Variants in EXTL3 observed in about 807,000 individuals in gnomAD.
EXTL3 encodes the protein exostosin like glycosyltransferase 3, also known as exostosin-like 3.
Under a neutral mutation model 69.3 loss-of-function variants are expected in EXTL3, and 27 were observed. That is an observed-to-expected ratio of 0.39 (90% CI 0.29 to 0.54). The LOEUF is 0.54. Ranked by LOEUF, EXTL3 falls within the 20% of genes least tolerant of loss-of-function variation. The probability of loss-of-function intolerance (pLI) is 0.69; values close to 1 mark genes in which losing one functional copy is unlikely to be tolerated. For synonymous variants in EXTL3, 511 were observed against 499.4 expected (o/e 1.02, Z -0.31); for missense variants, 1,003 against 1,231.8 (o/e 0.81, Z 2.78).
At chr8:28,648,947 G>A (rs1806876551) in intron 1 of EXTL3, among the ~76,000 whole-genome samples, 1 of 152,062 alleles carries the variant, frequency 6.6e-6, no homozygotes, top group Non-Finnish European at 1.5e-5. Flanking sequence ...AGGCTGGAGT[G>A]CAGTGGTGCA....
intron 1 of EXTL3, among the ~76,000 whole-genome samples, chr8:28,632,535 C>T (rs1806584373): frequency 6.6e-6 from 1 of 150,506 alleles, no homozygotes; most frequent in South Asian, 2.1e-4. Context: ...AGTGTTTTAA[C>T]TGCATTATCT....
At chr8:28,624,256 T>G (rs1453856013) in intron 1 of EXTL3, among the ~76,000 whole-genome samples, 8 of 152,226 alleles carry the variant, frequency 5.3e-5, no homozygotes, top group African/African-American at 1.9e-4. Flanking sequence ...ACATCTCACG[T>G]TAATATTCAT....
intron 1 of EXTL3, among the ~76,000 whole-genome samples, chr8:28,682,195 C>T (rs560796672): frequency 1.3e-5 from 2 of 152,190 alleles, no homozygotes; most frequent in African/African-American, 4.8e-5. Context: ...TAATGATTAG[C>T]GAAGTTGAGC....
chr8:28,630,762 A>G (rs771913708), intron 1 of EXTL3, among the ~76,000 whole-genome samples: 2 of 152,242 alleles, frequency 1.3e-5, no homozygotes, highest in African/African-American at 2.4e-5. Flanking sequence ...TGAGAGGCTT[A>G]TAACTGGGGC....
intron 1 of EXTL3, among the ~76,000 whole-genome samples, chr8:28,675,936 C>T (rs1261188584): frequency 6.8e-6 from 1 of 148,144 alleles, no homozygotes; most frequent in Non-Finnish European, 1.5e-5. Flanking sequence ...GCTGGAGAAT[C>T]GCTTGAACCT....
intron 2 of EXTL3, among the ~76,000 whole-genome samples, chr8:28,608,506 T>C (rs1157768488): frequency 6.6e-6 from 1 of 152,116 alleles, no homozygotes; most frequent in African/African-American, 2.4e-5. Context: ...ACAAGATACA[T>C]TGATAAGATC....
At chr8:28,616,495 CGGGCGCCTGCAGT>C (rs1034308921) in intron 2 of EXTL3, among the ~76,000 whole-genome samples, 1 of 152,070 alleles carries the variant, frequency 6.6e-6, no homozygotes, top group Non-Finnish European at 1.5e-5. Context: ...GGCGTGGTGG[CGGGCGCCTGCAGT>C]CCCAGCTACT....
At chr8:28,687,884 G>A (rs577319535) in intron 1 of EXTL3, among the ~76,000 whole-genome samples, 59 of 152,190 alleles carry the variant, frequency 3.9e-4, no homozygotes, top group African/African-American at 1.3e-3. Flanking sequence ...AGATTAAGTG[G>A]GATAACGAAT....
rs758450574 is a variant in EXTL3 at position 28,737,520 on chromosome 8, G to T, written c.2278G>T (p.Val760Leu). ...RHDEIMFGFR[V>L]WREARDRIVG... ...GTGTATGCACTTGTGTTTTTCAAGGGTGTGGAGAGAAGCTCGGGACCGCAT... is the reference window on the plus strand; with the variant it reads ...GTGTATGCACTTGTGTTTTTCAAGGTTGTGGAGAGAAGCTCGGGACCGCAT... The change falls in exon 5 of 7, where the codon GTG (valine) becomes TTG (leucine). Residue 760 changes from valine (V) to leucine (L), a missense_variant and splice_region_variant. By Grantham distance (32) the Val-to-Leu change is conservative. This residue lies in a region of EXTL3 where 261 missense variants were observed against 416.4 expected (regional missense o/e 0.63). Coordinates refer to ENST00000220562, the MANE Select transcript of EXTL3 (RefSeq NM_001440.4). The T allele has an allele frequency of 1.2e-6, 2 of 1,613,974 alleles. No individual in the cohort carries two copies. The highest frequency in any genetic ancestry group is 1.7e-6 in the Non-Finnish European group (2 of 1,179,868).
intron 3 of EXTL3, among the ~76,000 whole-genome samples, chr8:28,731,009 A>G (rs1310729833): frequency 6.6e-6 from 1 of 152,238 alleles, no homozygotes; most frequent in African/African-American, 2.4e-5. Context: ...TTAGCTAACT[A>G]ATGAATGAAG....
chr8:28,609,297 A>G (rs1806241830), intron 2 of EXTL3, among the ~76,000 whole-genome samples: 1 of 152,074 alleles, frequency 6.6e-6, no homozygotes, highest in Non-Finnish European at 1.5e-5. Flanking sequence ...AGCTGTAAGC[A>G]GAGGGAAAAC....
At chr8:28,736,566 G>T (rs1801656004) in intron 4 of EXTL3, among the ~76,000 whole-genome samples, 1 of 152,152 alleles carries the variant, frequency 6.6e-6, no homozygotes, top group Non-Finnish European at 1.5e-5. Flanking sequence ...CCTTTCAGTT[G>T]TATGGTTCTG....
intron 1 of EXTL3, among the ~76,000 whole-genome samples, chr8:28,634,933 C>T (rs1806629209): frequency 1.3e-5 from 2 of 152,022 alleles, no homozygotes; most frequent in Admixed American, 1.3e-4. Context: ...TCCTATCCTA[C>T]CACCTGTCAC....
rs1801141482 is a variant in EXTL3 at position 28,716,201 on chromosome 8, C to T, written c.142C>T (p.His48Tyr). ...CCTGGTCTTCTTCCCGCTCATCGCCCACTATTACCTCACCACTCTGGATGA... is the reference window on the plus strand; with the variant it reads ...CCTGGTCTTCTTCCCGCTCATCGCCTACTATTACCTCACCACTCTGGATGA... ...VILVFFPLIA[H>Y]YYLTTLDEAD... Residue 48 changes from histidine (H) to tyrosine (Y), a missense_variant, in exon 3 of 7, where the codon CAC (histidine) becomes TAC (tyrosine). Coordinates refer to ENST00000220562, the MANE Select transcript of EXTL3 (RefSeq NM_001440.4). This position sits in a 1 kb window ranked among gnomAD's most constrained non-coding sequence, Gnocchi z 7.1. The T allele has an allele frequency of 6.2e-7, 1 of 1,614,212 alleles. No homozygotes were observed. Among genetic ancestry groups the T allele is most frequent in the African/African-American group, 1.3e-5 (1 of 75,044 alleles).
At chr8:28,635,666 G>A (rs1156725521) in intron 1 of EXTL3, among the ~76,000 whole-genome samples, 1 of 150,470 alleles carries the variant, frequency 6.6e-6, no homozygotes, top group Non-Finnish European at 1.5e-5. Flanking sequence ...AGCTGAGATC[G>A]CACCACTGCA....
At chr8:28,710,738 A>T (rs1801016554) in intron 1 of EXTL3, among the ~76,000 whole-genome samples, 1 of 144,728 alleles carries the variant, frequency 6.9e-6, no homozygotes, top group South Asian at 2.2e-4. Context: ...TTTGGTAGAG[A>T]TGGGGTCTCA....
chr8:28,620,932 C>G (rs1806402780), upstream of EXTL3, among the ~76,000 whole-genome samples: 1 of 152,132 alleles, frequency 6.6e-6, no homozygotes, highest in Non-Finnish European at 1.5e-5. Flanking sequence ...CCAGGCTGGT[C>G]TCTAACTTCT....
At chr8:28,755,843 C>T (rs574702101), downstream of EXTL3, among the ~76,000 whole-genome samples, 3 of 152,266 alleles carry the variant, frequency 2.0e-5, no homozygotes, top group South Asian at 4.2e-4. Flanking sequence ...ACGACTGGTC[C>T]CACATTTCAA....
chr8:28,722,957 ACT>A (rs1179274704), intron 3 of EXTL3, among the ~76,000 whole-genome samples: 1 of 152,050 alleles, frequency 6.6e-6, no homozygotes, highest in Non-Finnish European at 1.5e-5. Flanking sequence ...AAAAGGGAAG[ACT>A]GGAAGAGAAG....
Sources: allele counts gnomAD v4.1 joint callset (sites outside exome capture counted in the v4.1 genomes callset), GRCh38; gene constraint gnomAD v4.1.1; regional missense constraint gnomAD v4.1.1; non-coding constraint Gnocchi (gnomAD v3.1); transcripts MANE v1.5; gene names NCBI Gene and HGNC (gene_info 2026-07-23, HGNC 2026-07-21).